The following CKMT1B variants were observed in gnomAD, a reference collection of about 807,000 sequenced individuals.
CKMT1B encodes the protein creatine kinase U-type, mitochondrial.
CKMT1B carries 13 observed loss-of-function variants against 21.8 expected under a neutral mutation model. The ratio of observed to expected loss-of-function variants is 0.60; its 90% confidence interval spans 0.39 to 0.95. CKMT1B has a LOEUF of 0.95. CKMT1B is among the 40% of genes least tolerant of loss of function. The pLI, the probability that CKMT1B is intolerant of heterozygous loss-of-function variation, is 0.00. For synonymous variants in CKMT1B, 50 were observed against 80.3 expected (o/e 0.62, Z 2.02); for missense variants, 157 against 227.5 (o/e 0.69, Z 1.99).
rs753566260 is a variant in CKMT1B at position 43,598,253 on chromosome 15, A to C, written c.937A>C (p.Ile313Leu). ...CATGTGGAATGAGCGTTTGGGATAC[A>C]TCTTGACCTGTCCATCTAACCTGGG... ...EFMWNERLGYILTCPSNLGTG... is the reference protein window; with the variant it reads ...EFMWNERLGYLLTCPSNLGTG... Residue 313 changes from isoleucine (I) to leucine (L), a missense_variant, in exon 7 of 9, where the codon ATC becomes CTC. Transcript: ENST00000441322. 17 of 1,607,850 alleles carry C rather than the reference A, an allele frequency of 1.1e-5. 1 individual carries two copies. The highest frequency in any genetic ancestry group is 1.4e-5 in the Non-Finnish European group (16 of 1,179,234).
chr15:43,597,934 C>T lies in CKMT1B; in HGVS notation c.877-259C>T, dbSNP rs192732445. The T allele has an allele frequency of 1.9e-5, 26 of 1,372,624 alleles. 2 individuals carry two copies. Among genetic ancestry groups the T allele is most frequent in the African/African-American group, 3.1e-5 (2 of 64,544 alleles). The allele number at this position is 1,372,624 out of a possible 1,614,324, so 85.0% of individuals were successfully genotyped here. Reference sequence around the variant, plus strand: ...TCATTTCCCTAGATCATCCTTAATACACCACTCCTTCGAGTTTTCTTCTTC... The same window carrying T: ...TCATTTCCCTAGATCATCCTTAATATACCACTCCTTCGAGTTTTCTTCTTC... On this transcript the variant is annotated intron_variant, in intron 6 of 8. Transcript: ENST00000441322.
intron 6 of CKMT1B, chr15:43,597,350 G>A: frequency 9.5e-7 from 1 of 1,050,650 alleles, no homozygotes; most frequent in Non-Finnish European, 1.3e-6. Flanking sequence ...TGTAAAATTG[G>A]GATAATGAGA....
chr15:43,598,679 A>T, intron 7 of CKMT1B, 148 bp from the exon 8 acceptor site: 2 of 1,123,834 alleles, frequency 1.8e-6, no homozygotes, highest in Non-Finnish European at 2.4e-6. Context: ...ACAGAGAGAG[A>T]CCCTGTCTAA....
intron 7 of CKMT1B, 71 bp downstream of exon 7, chr15:43,598,398 C>T (rs1038333347): frequency 6.3e-6 from 10 of 1,596,196 alleles, no homozygotes; most frequent in East Asian, 2.3e-5. Context: ...AGGGAGTGGA[C>T]CCTTTGGAAA....
At position 43,596,903 on chromosome 15, in the gene CKMT1B, G is replaced by A. The variant is rs1473231158; in HGVS notation, c.876+372G>A. Among the ~76,000 whole-genome samples the A allele has an allele frequency of 4.7e-5, 7 of 148,428 alleles. 1 individual carries two copies. Among genetic ancestry groups the A allele is most frequent in the African/African-American group, 7.7e-5 (3 of 38,710 alleles). On this transcript the variant is annotated intron_variant, in intron 6 of 8. Transcript: ENST00000441322. Reference sequence around the variant, plus strand: ...GCTTAGATTGATGTTGGCGGGGAGAGGTTGCTGTGTTCATGACTCTAATAT... The same window carrying A: ...GCTTAGATTGATGTTGGCGGGGAGAAGTTGCTGTGTTCATGACTCTAATAT...
intron 6 of CKMT1B, chr15:43,597,729 G>C: frequency 9.8e-7 from 1 of 1,020,636 alleles, no homozygotes; most frequent in Non-Finnish European, 1.2e-6. Context: ...CATTCACACA[G>C]GTGCTCCGTT....
Position 43,598,339 on chromosome 15 carries a change from G to A in CKMT1B, c.1011+12G>A, listed in dbSNP as rs1345689518. The A allele has an allele frequency of 2.5e-6, 4 of 1,599,626 alleles. No individual in the cohort carries two copies. Among genetic ancestry groups the A allele is most frequent in the Admixed American group, 1.7e-5 (1 of 58,752 alleles). On this transcript the variant is annotated intron_variant, in intron 7 of 8. Transcript: ENST00000441322. ...CCCTGCTAAGCAAAGTAAAGGAGTTGTGGGGTTACAGAGGGGTGTGAGTAA... is the reference window on the plus strand; with the variant it reads ...CCCTGCTAAGCAAAGTAAAGGAGTTATGGGGTTACAGAGGGGTGTGAGTAA...
chr15:43,596,344 T>C lies in CKMT1B; in HGVS notation c.752+52T>C, dbSNP rs1209967931. 4.4e-6 allele frequency: 6 copies of C among 1,354,520 alleles called. No homozygotes were observed. The South Asian group carries it at 5.4e-5, about 12-fold the overall frequency. The allele number at this position is 1,354,520 out of a possible 1,614,324, so 83.9% of individuals were successfully genotyped here. A position where few individuals can be genotyped will look rare whatever the true frequency, so the allele number is the denominator to read the frequency against. ...GTCTTCATGCCCTCATAAATGCTTT[T>C]TTTCCCTCTATCTCTCCCAATTCTT... is the stretch of plus-strand genomic sequence containing the variant. On this transcript the variant is annotated intron_variant, in intron 5 of 8. Coordinates refer to ENST00000441322, the MANE Select transcript of CKMT1B (RefSeq NM_001375484.1).
At position 43,596,617 on chromosome 15, in the gene CKMT1B, C is replaced by A; in HGVS notation, c.876+86C>A. The A allele has an allele frequency of 1.9e-6, 3 of 1,593,108 alleles. 1 individual carries two copies. Among genetic ancestry groups the A allele is most frequent in the Non-Finnish European group, 2.6e-6 (3 of 1,169,266 alleles). On this transcript the variant is annotated intron_variant, in intron 6 of 8. Coordinates refer to ENST00000441322, the MANE Select transcript of CKMT1B (RefSeq NM_001375484.1). Reference sequence around the variant, plus strand: ...ATAAATAGATTATGTAATTTACCAACCAACCCAGGACATGTCTTATAGTAA... The same window carrying A: ...ATAAATAGATTATGTAATTTACCAAACAACCCAGGACATGTCTTATAGTAA...
intron 6 of CKMT1B, among the ~76,000 whole-genome samples, chr15:43,597,224 G>C (rs1436367497): frequency 7.2e-6 from 1 of 139,858 alleles, no homozygotes; most frequent in Non-Finnish European, 1.5e-5. Flanking sequence ...AAGAAAAAGA[G>C]CTCCTCTTTT....
At chr15:43,596,642 A>G in intron 6 of CKMT1B, 111 bp downstream of exon 6, 1 of 1,547,102 alleles carries the variant, frequency 6.5e-7, no homozygotes, top group Non-Finnish European at 8.8e-7. Flanking sequence ...TCTTATAGTA[A>G]AAAGGACTAT....
chr15:43,597,659 T>G, intron 6 of CKMT1B: 1 of 920,744 alleles, frequency 1.1e-6, no homozygotes, highest in Non-Finnish European at 1.4e-6. Context: ...GCCAAACGCC[T>G]TCCCCCCGCC....
chr15:43,597,045 T>A (rs1476332030), intron 6 of CKMT1B, among the ~76,000 whole-genome samples: 1 of 148,286 alleles, frequency 6.7e-6, no homozygotes, highest in Non-Finnish European at 1.5e-5. Context: ...AGGTGGAGGA[T>A]AGAATGGTTC....
Position 43,598,873 on chromosome 15 carries a change from G to A in CKMT1B, c.1058G>A (p.Arg353His), listed in dbSNP as rs144997771. The A allele has an allele frequency of 1.2e-5, 19 of 1,608,944 alleles. No individual in the cohort carries two copies. Among genetic ancestry groups the A allele is most frequent in the East Asian group, 4.6e-5 (2 of 43,946 alleles). The change falls in exon 8 of 9, where the codon CGT becomes CAT. Residue 353 changes from arginine to histidine, a missense_variant. Arg to His is a conservative substitution (Grantham distance 29, BLOSUM62 0). Coordinates refer to ENST00000441322, the MANE Select transcript of CKMT1B (RefSeq NM_001375484.1). The part of the protein sequence containing the change: ...KILENLRLQK[R>H]GTGGVDTAAT... ...CTGGAGAACCTAAGACTCCAAAAAC[G>A]TGGTACTGGAGGAGTGGACACTGCT... is the stretch of plus-strand genomic sequence containing the variant.
intron 8 of CKMT1B, 32 bp downstream of exon 8, chr15:43,598,984 G>T (rs769620180): frequency 1.7e-5 from 28 of 1,610,230 alleles, no homozygotes; most frequent in Non-Finnish European, 2.3e-5. Flanking sequence ...ACAAGGAGAG[G>T]TATAGGTCTG....
At position 43,596,544 on chromosome 15, in the gene CKMT1B, T is replaced by A. The variant is rs780970254; in HGVS notation, c.876+13T>A. 1 of 1,607,992 alleles carries A rather than the reference T, an allele frequency of 6.2e-7. No homozygotes were observed. The highest frequency in any genetic ancestry group is 1.7e-5 in the Admixed American group (1 of 59,894). On this transcript the variant is annotated intron_variant, in intron 6 of 8. Transcript: ENST00000441322. ...AGGCCTCAAAGAGGTTAGAGAAGAC[T>A]ATGTAGGGGAGCTAGGTGGGAGGAC...
chr15:43,598,463 C>T (rs1464646764), intron 7 of CKMT1B, 136 bp downstream of exon 7: 4 of 1,322,146 alleles, frequency 3.0e-6, no homozygotes, highest in Non-Finnish European at 4.1e-6. Context: ...CACAGTGGCT[C>T]ATGCCTCTAA....
chr15:43,596,640 T>C, intron 6 of CKMT1B, 109 bp downstream of exon 6: 2 of 1,543,858 alleles, frequency 1.3e-6, no homozygotes, highest in Non-Finnish European at 1.8e-6. Context: ...TGTCTTATAG[T>C]AAAAAGGACT....
At chr15:43,598,395 G>A (rs940261551) in intron 7 of CKMT1B, 68 bp downstream of exon 7, 4 of 1,596,430 alleles carry the variant, frequency 2.5e-6, no homozygotes, top group East Asian at 2.3e-5. Flanking sequence ...GGGAGGGAGT[G>A]GACCCTTTGG....
Sources: allele counts gnomAD v4.1 joint callset (sites outside exome capture counted in the v4.1 genomes callset), GRCh38; gene constraint gnomAD v4.1.1; transcripts MANE v1.5; gene names NCBI Gene and HGNC (gene_info 2026-07-23, HGNC 2026-07-21).